PHYH: variants seen among roughly 807,000 people sequenced by gnomAD.
The protein encoded by PHYH is phytanoyl-CoA dioxygenase, peroxisomal.
In PHYH, 32 loss-of-function variants were observed where a neutral mutation model predicts 38.5. That is an observed-to-expected ratio of 0.83 (90% CI 0.63 to 1.12). The LOEUF (loss-of-function observed/expected upper bound fraction) is 1.12, where lower values mean the gene tolerates loss of function less well. Among genes scored for constraint, PHYH ranks in the 50% most tolerant of loss-of-function variants. The probability of loss-of-function intolerance (pLI) is 0.00; values close to 1 mark genes in which losing one functional copy is unlikely to be tolerated. For synonymous variants in PHYH, 166 were observed against 157.9 expected, an observed-to-expected ratio of 1.05 and a Z score of -0.38; for missense variants, 426 against 434.8, an observed-to-expected ratio of 0.98 and a Z score of 0.18.
At chr10:13,291,247 G>C (rs1379533791) in intron 5 of PHYH, among the ~76,000 whole-genome samples, 1 of 152,008 alleles carries the variant, frequency 6.6e-6, no homozygotes, top group Non-Finnish European at 1.5e-5. Flanking sequence ...ATCAAGCTTA[G>C]AGACGTCGAA....
chr10:13,294,460 T>C lies in PHYH; in HGVS notation c.382A>G (p.Lys128Glu), dbSNP rs1835790751. 4 of 1,614,188 alleles carry C rather than the reference T, an allele frequency of 2.5e-6. No individual in the cohort carries two copies. The highest frequency in any genetic ancestry group is 3.4e-6 in the Non-Finnish European group (4 of 1,180,032). ...ITKVQDFQED[K>E]ELFRYCTLPE... ...AGAGTGCAGTATCTGAAGAGCTCCT[T>C]ATCTTCCTGGAAATCCTGGACCTTC... Residue 128 changes from lysine (K) to glutamate (E), a missense_variant, in exon 4 of 9, where the codon AAG (lysine) becomes GAG (glutamate). Lys to Glu is a moderately conservative substitution (Grantham distance 56). Transcript: ENST00000263038.
rs1172422242 is a variant in PHYH, at chr10:13,290,115, CAAAAAAAAAAAAA to C, written c.497-1587_497-1575del. Among the ~76,000 whole-genome samples the C allele has an allele frequency of 3.0e-4, 10 of 33,390 alleles. 1 individual carries two copies. The South Asian group carries it at 9.0e-3, about 30-fold the overall frequency. 21.9% of individuals were successfully genotyped at this position (33,390 alleles called of 152,430 possible). A position where few individuals can be genotyped will look rare whatever the true frequency, so the allele number is the denominator to read the frequency against. ...GAAACCCTGTCTCTACTAAAAATAC[CAAAAAAAAAAAAA>C]AAAAAAAAAAAAAAAAATTAGCTGG... On this transcript the variant is annotated intron_variant, in intron 5 of 8. Coordinates refer to ENST00000263038, the MANE Select transcript of PHYH (RefSeq NM_006214.4).
chr10:13,278,411 A>T lies in PHYH; in HGVS notation c.964-57T>A, dbSNP rs825625. 1,145,626 of 1,157,410 alleles carry T rather than the reference A, an allele frequency of 0.99. 567,739 individuals carry two copies. Among genetic ancestry groups the T allele is most frequent in the East Asian group, 1 (42,743 of 42,744 alleles). 71.7% of individuals were successfully genotyped at this position (1,157,410 alleles called of 1,614,324 possible). On this transcript the variant is annotated intron_variant, in intron 8 of 8. Transcript: ENST00000263038. ...GGAACACTTCAATCTGCCCTCCATT[A>T]ACCTTCAATTTCACCATAACACAAA... is the stretch of plus-strand genomic sequence containing the variant.
At chr10:13,284,766 G>A (rs72781351) in intron 6 of PHYH, among the ~76,000 whole-genome samples, 1 of 152,130 alleles carries the variant, frequency 6.6e-6, no homozygotes, top group Non-Finnish European at 1.5e-5. Context: ...CTTTATTAAA[G>A]AAATTGACAT....
chr10:13,295,633 A>C (rs2131655327), intron 2 of PHYH, 27 bp from the exon 3 acceptor site: 1 of 949,692 alleles, frequency 1.1e-6, no homozygotes, highest in Middle Eastern at 2.6e-4. Flanking sequence ...ATCCCAAAAT[A>C]AGTTACATTT....
chr10:13,281,249 C>T (rs1006863795), intron 7 of PHYH, 139 bp from the exon 8 acceptor site: 5 of 804,364 alleles, frequency 6.2e-6, no homozygotes, highest in African/African-American at 5.1e-5. Flanking sequence ...CCATTGCATC[C>T]TGTGTCAATC....
chr10:13,288,956 T>G (rs1017569992), intron 5 of PHYH, among the ~76,000 whole-genome samples: 5 of 126,900 alleles, frequency 3.9e-5, no homozygotes, highest in Non-Finnish European at 8.1e-5. Context: ...AAAGCTGGTC[T>G]CAGAATTCTT....
At chr10:13,285,431 G>T (rs926406354) in intron 6 of PHYH, among the ~76,000 whole-genome samples, 1 of 151,622 alleles carries the variant, frequency 6.6e-6, no homozygotes, top group Non-Finnish European at 1.5e-5. Flanking sequence ...TGATCCACCC[G>T]CCACGGCCTC....
chr10:13,287,763 T>A (rs894277173), intron 6 of PHYH, among the ~76,000 whole-genome samples: 1 of 152,216 alleles, frequency 6.6e-6, no homozygotes, highest in Non-Finnish European at 1.5e-5. Context: ...TGAGTAAGAC[T>A]GACTTGGTGT....
chr10:13,283,850 A>T lies in PHYH; in HGVS notation c.679-11T>A, dbSNP rs886046828. The T allele has an allele frequency of 6.2e-7, 1 of 1,612,226 alleles. No individual in the cohort carries two copies. On this transcript the variant is annotated splice_polypyrimidine_tract_variant and intron_variant, in intron 6 of 8. Transcript: ENST00000263038. ...TTTGTTAACTCCCCCCTAGAACAAGAGGCAAGTGAAGTCTACATTTGAGGG... is the reference window on the plus strand; with the variant it reads ...TTTGTTAACTCCCCCCTAGAACAAGTGGCAAGTGAAGTCTACATTTGAGGG...
chr10:13,283,397 G>A (rs533131032), intron 7 of PHYH, among the ~76,000 whole-genome samples: 1 of 152,038 alleles, frequency 6.6e-6, no homozygotes, highest in Non-Finnish European at 1.5e-5. Flanking sequence ...CCAAAGTGCT[G>A]GGATTATAGG....
intron 1 of PHYH, chr10:13,299,646 AGCTGCCGGGGTCACGC>A (rs1305618933): frequency 1.7e-6 from 2 of 1,162,888 alleles, no homozygotes; most frequent in Non-Finnish European, 2.1e-6. Context: ...GTCTCTGGAC[AGCTGCCGGGGTCACGC>A]GCCGCCGGTG....
At chr10:13,286,262 C>T (rs975056742) in intron 6 of PHYH, among the ~76,000 whole-genome samples, 1 of 152,064 alleles carries the variant, frequency 6.6e-6, no homozygotes, top group African/African-American at 2.4e-5. Context: ...GCGTCCTGCA[C>T]CAGAACGTGA....
chr10:13,283,283 C>T (rs903288612), intron 7 of PHYH, among the ~76,000 whole-genome samples: 2 of 152,060 alleles, frequency 1.3e-5, no homozygotes, highest in Admixed American at 1.3e-4. Flanking sequence ...GCGCCCGCCA[C>T]CTCGCCCAGC....
At chr10:13,293,877 T>C (rs1181229816) in intron 4 of PHYH, among the ~76,000 whole-genome samples, 2 of 152,140 alleles carry the variant, frequency 1.3e-5, no homozygotes, top group Non-Finnish European at 2.9e-5. Flanking sequence ...AATCATGGCA[T>C]AGACCACCAG....
At chr10:13,294,855 C>A (rs762690798) in intron 3 of PHYH, 2 of 492,802 alleles carry the variant, frequency 4.1e-6, no homozygotes, top group African/African-American at 3.9e-5. Context: ...ATAATAATAA[C>A]AGCAAACATT....
At position 13,281,102 on chromosome 10, in the gene PHYH, G is replaced by A; in HGVS notation, c.837C>T (p.Ser279=). The A allele has an allele frequency of 6.2e-7, 1 of 1,614,140 alleles. No individual in the cohort carries two copies. The highest frequency in any genetic ancestry group is 8.5e-7 in the Non-Finnish European group (1 of 1,180,020). Residue 279 remains serine, a synonymous_variant, in exon 8 of 9, where the codon TCC becomes TCT. Transcript: ENST00000263038. The part of the protein sequence containing the change: ...NKTQGFRKAI[S]CHFASADCHY... ...GGCAATCGGCACTGGCGAAATGGCA[G>A]GAAATTGCCTGTGCAAAGTGAACAA...
intron 5 of PHYH, among the ~76,000 whole-genome samples, chr10:13,291,045 A>C (rs1835696637): frequency 7.0e-6 from 1 of 142,660 alleles, no homozygotes; most frequent in African/African-American, 2.6e-5. Context: ...TGGGGGTTGC[A>C]GTGAGCCAAG....
intron 6 of PHYH, among the ~76,000 whole-genome samples, chr10:13,285,386 CT>C (rs1397368705): frequency 6.6e-6 from 1 of 151,926 alleles, no homozygotes; most frequent in African/African-American, 2.4e-5. Context: ...GCTTCACTAT[CT>C]TGGCCATGCT....
Sources: allele counts gnomAD v4.1 joint callset (sites outside exome capture counted in the v4.1 genomes callset), GRCh38; gene constraint gnomAD v4.1.1; transcripts MANE v1.5; gene names NCBI Gene and HGNC (gene_info 2026-07-23, HGNC 2026-07-21).